Variants in DIAPH2 observed in about 807,000 individuals in gnomAD.
The protein encoded by DIAPH2 is diaphanous related formin 2.
A neutral mutation model predicts 92.7 loss-of-function variants in DIAPH2; 35 were observed. The observed-to-expected ratio is 0.38, with a 90% CI of 0.29 to 0.50. The LOEUF (loss-of-function observed/expected upper bound fraction) is 0.50, where lower values mean the gene tolerates loss of function less well. DIAPH2 is among the 20% of genes least tolerant of loss of function. The pLI is 0.94. For missense variants in DIAPH2, 701 were observed against 819.5 expected (o/e 0.86, Z 1.77); for synonymous variants, 301 against 280.4 (o/e 1.07, Z -0.73).
chrX:97,496,749 G>T (rs1311852607), intron 26 of DIAPH2, among the ~76,000 whole-genome samples: 1 of 103,930 alleles, frequency 9.6e-6, no homozygotes, highest in East Asian at 3.0e-4. Flanking sequence ...TGTTGGCCAG[G>T]CTAGTCTCGA....
At chrX:97,057,021 A>C (rs1481457926) in intron 17 of DIAPH2, among the ~76,000 whole-genome samples, 2 of 111,757 alleles carry the variant, frequency 1.8e-5, no homozygotes, top group Admixed American at 1.9e-4. Flanking sequence ...AATTGTTGAG[A>C]GATACAATCT....
In DIAPH2 at chrX:97,557,428, A is replaced by G. The variant is rs768421426; in HGVS notation, c.3242-41825A>G. Among the ~76,000 whole-genome samples, 2 of 111,527 alleles carry G rather than the reference A, an allele frequency of 1.8e-5. 1 individual carries two copies. Among genetic ancestry groups the G allele is most frequent in the South Asian group, 7.7e-4 (2 of 2,603 alleles). On this transcript the variant is annotated intron_variant, in intron 26 of 26. Transcript: ENST00000324765. ...GTGGCAGGTGCCTGTAATCCCAGCT[A>G]CTCGGGAGGCTGAGGCAGGAGAATC...
chrX:97,423,228 T>C (rs2147771537), intron 25 of DIAPH2, among the ~76,000 whole-genome samples: 1 of 111,508 alleles, frequency 9.0e-6, no homozygotes, highest in African/African-American at 3.3e-5. Context: ...TCGTCTTCTC[T>C]AGAGGAAGAC....
chrX:96,793,487 A>G (rs2064515951), intron 4 of DIAPH2: 1 of 289,879 alleles, frequency 3.4e-6, no homozygotes, highest in Non-Finnish European at 6.6e-6. Context: ...CTTTTTAAAC[A>G]ACAGAAATGA....
At position 96,749,143 on chromosome X, in the gene DIAPH2, AAAATAT is replaced by A. The variant is rs1490505675; in HGVS notation, c.343-9009_343-9004del. On this transcript the variant is annotated intron_variant, in intron 3 of 26. Transcript: ENST00000324765. ...TACCCCATCAGAAAAAAAAAAAAAA[AAAATAT>A]ATATATATATATATATATGTTTGAG... 1.4e-4 allele frequency among the ~76,000 whole-genome samples: 11 copies of A among 77,005 alleles called. No homozygotes were observed. The East Asian group carries it at 4.1e-3, about 28-fold the overall frequency. The allele number at this position is 77,005 out of a possible 115,157, so 66.9% of individuals were successfully genotyped here. A position where few individuals can be genotyped will look rare whatever the true frequency, so the allele number is the denominator to read the frequency against.
At chrX:97,115,471 G>T (rs932584446) in intron 21 of DIAPH2, among the ~76,000 whole-genome samples, 5 of 110,772 alleles carry the variant, frequency 4.5e-5, no homozygotes, top group Non-Finnish European at 9.4e-5. Context: ...GGGAGGCGGG[G>T]GTTGGAGTGA....
chrX:97,020,488 G>C, intron 17 of DIAPH2, among the ~76,000 whole-genome samples: 3 of 111,847 alleles, frequency 2.7e-5, no homozygotes, highest in African/African-American at 9.7e-5. Context: ...TTTCAAATAC[G>C]TATGTATTTA....
chrX:96,885,739 TGTG>T (rs1454828085), intron 5 of DIAPH2, among the ~76,000 whole-genome samples: 4 of 111,660 alleles, frequency 3.6e-5, no homozygotes, highest in Admixed American at 2.9e-4. Flanking sequence ...TTTTTTAAAA[TGTG>T]GTGAAGTTCA....
At chrX:96,765,193 G>GA (rs2064294467) in intron 4 of DIAPH2, among the ~76,000 whole-genome samples, 2 of 83,278 alleles carry the variant, frequency 2.4e-5, no homozygotes, top group Non-Finnish European at 4.5e-5. Flanking sequence ...ATATTCACAT[G>GA]TTTTTTTTTT....
At chrX:96,792,245 G>C (rs1251888379) in intron 4 of DIAPH2, among the ~76,000 whole-genome samples, 1 of 111,961 alleles carries the variant, frequency 8.9e-6, no homozygotes, top group Non-Finnish European at 1.9e-5. Context: ...TTCCTGGATT[G>C]TTTTGATACT....
At chrX:96,704,744 C>T (rs1402419020) in intron 1 of DIAPH2, among the ~76,000 whole-genome samples, 2 of 111,169 alleles carry the variant, frequency 1.8e-5, no homozygotes, top group Non-Finnish European at 3.8e-5. Flanking sequence ...AGATATAGGT[C>T]ATGAGATACA....
intron 24 of DIAPH2, among the ~76,000 whole-genome samples, chrX:97,377,996 A>C: frequency 9.0e-6 from 1 of 111,446 alleles, no homozygotes; most frequent in Non-Finnish European, 1.9e-5. Context: ...AAAACTTAAA[A>C]AAAAAAATCT....
intron 26 of DIAPH2, chrX:97,528,541 A>G (rs1425372663): frequency 1.8e-5 from 2 of 111,383 alleles, no homozygotes; most frequent in Admixed American, 1.9e-4. Context: ...AAGGGAGCTT[A>G]CAGGTTTTTG....
At chrX:97,041,687 G>T (rs1054100403) in intron 17 of DIAPH2, among the ~76,000 whole-genome samples, 3 of 111,499 alleles carry the variant, frequency 2.7e-5, no homozygotes, top group Non-Finnish European at 3.8e-5. Context: ...GGAAAACAGG[G>T]TTGATTTCTT....
At chrX:97,363,586 A>C (rs1391038246) in intron 24 of DIAPH2, among the ~76,000 whole-genome samples, 1 of 104,788 alleles carries the variant, frequency 9.5e-6, no homozygotes, top group Non-Finnish European at 1.9e-5. Flanking sequence ...GAATCACTTG[A>C]ACCTGGAAGG....
chrX:97,521,740 C>T (rs1283462253), intron 26 of DIAPH2, among the ~76,000 whole-genome samples: 2 of 111,603 alleles, frequency 1.8e-5, no homozygotes, highest in African/African-American at 3.3e-5. Context: ...CTCCTGAGGC[C>T]TCCCCAGCCT....
At chrX:97,545,096 T>A (rs2071169934) in intron 26 of DIAPH2, among the ~76,000 whole-genome samples, 1 of 110,821 alleles carries the variant, frequency 9.0e-6, no homozygotes, top group African/African-American at 3.3e-5. Flanking sequence ...CCATCCTAAG[T>A]GAATGATGCC....
chrX:97,363,681 A>T (rs1281408285), intron 24 of DIAPH2, among the ~76,000 whole-genome samples: 1 of 106,405 alleles, frequency 9.4e-6, no homozygotes, highest in Non-Finnish European at 1.9e-5. Context: ...AAAAAAAAAA[A>T]AAAAAAAAAA....
At chrX:97,106,871 G>A (rs2066945642) in intron 20 of DIAPH2, among the ~76,000 whole-genome samples, 1 of 112,186 alleles carries the variant, frequency 8.9e-6, no homozygotes, top group Non-Finnish European at 1.9e-5. Flanking sequence ...GGCGGAGGGT[G>A]CAGTGAGCCA....
Sources: allele counts gnomAD v4.1 joint callset (sites outside exome capture counted in the v4.1 genomes callset), GRCh38; gene constraint gnomAD v4.1.1; transcripts MANE v1.5; gene names NCBI Gene and HGNC (gene_info 2026-07-23, HGNC 2026-07-21).